SRPX: variants seen among roughly 807,000 people sequenced by gnomAD.
The protein encoded by SRPX is sushi repeat-containing protein SRPX.
SRPX carries 24 observed loss-of-function variants against 38.1 expected under a neutral mutation model. The observed-to-expected ratio is 0.63, with a 90% CI of 0.46 to 0.89. The LOEUF is 0.89. Among genes scored for constraint, SRPX ranks in the 40% least tolerant of loss-of-function variants. The probability of loss-of-function intolerance (pLI) is 0.00; values close to 1 mark genes in which losing one functional copy is unlikely to be tolerated. For synonymous variants in SRPX, 184 were observed against 153.8 expected (o/e 1.20, Z -1.45); for missense variants, 416 against 377.8 (o/e 1.10, Z -0.84).
chrX:38,196,668 C>T (rs1296892216), intron 1 of SRPX, among the ~76,000 whole-genome samples: 1 of 112,085 alleles, frequency 8.9e-6, no homozygotes, highest in Admixed American at 9.4e-5. Flanking sequence ...GACTTGGGTG[C>T]TGTTGTTCAT....
intron 4 of SRPX, among the ~76,000 whole-genome samples, chrX:38,170,684 G>A (rs775422420): frequency 3.6e-5 from 4 of 111,832 alleles, no homozygotes; most frequent in African/African-American, 9.8e-5. Flanking sequence ...GGTTCCAGGC[G>A]CATCTGGTCC....
At position 38,178,486 on chromosome X, in the gene SRPX, T is replaced by A; in HGVS notation, c.98-142A>T. On this transcript the variant is annotated intron_variant, in intron 1 of 9. Coordinates refer to ENST00000378533, the MANE Select transcript of SRPX (RefSeq NM_006307.5). The stretch of plus-strand genomic sequence containing the variant: ...GAGCAAAAGCTTCTGTGGCCATTCA[T>A]GAAGGAACAAACAGGAGATCTCTCA... 2.2e-6 allele frequency: 1 copy of A among 456,764 alleles called. No individual in the cohort carries two copies. The highest frequency in any genetic ancestry group is 3.8e-5 in the East Asian group (1 of 26,105). 37.6% of individuals were successfully genotyped at this position (456,764 alleles called of 1,213,427 possible). A position where few individuals can be genotyped will look rare whatever the true frequency, so the allele number is the denominator to read the frequency against.
At chrX:38,199,951 G>A (rs1259207523) in intron 1 of SRPX, among the ~76,000 whole-genome samples, 1 of 112,386 alleles carries the variant, frequency 8.9e-6, no homozygotes, top group Non-Finnish European at 1.9e-5. Context: ...TTTTGTTGAT[G>A]TTTTGAACAG....
At chrX:38,204,805 G>A (rs925755031) in intron 1 of SRPX, among the ~76,000 whole-genome samples, 1 of 112,245 alleles carries the variant, frequency 8.9e-6, no homozygotes, top group East Asian at 2.8e-4. Context: ...GCTTACAAAT[G>A]AATTCAAAGA....
chrX:38,209,009 T>A (rs1311869287), intron 1 of SRPX, among the ~76,000 whole-genome samples: 1 of 107,346 alleles, frequency 9.3e-6, no homozygotes, highest in Admixed American at 1.0e-4. Flanking sequence ...TATTTTTTTT[T>A]TGCAAAAAAT....
Position 38,171,942 on chromosome X carries a change from C to A in SRPX, c.465G>T (p.Gly155=), listed in dbSNP as rs1938478296. 9.1e-6 allele frequency: 11 copies of A among 1,211,613 alleles called. No individual in the cohort carries two copies. The highest frequency in any genetic ancestry group is 1.2e-5 in the Non-Finnish European group (11 of 895,458). ...TGTCCATACATGTGACGGTCCGCTCCCCTTTCAACGTGTATCCTGGTGAAC... is the reference window on the plus strand; with the variant it reads ...TGTCCATACATGTGACGGTCCGCTCACCTTTCAACGTGTATCCTGGTGAAC... ...YYCSPGYTLK[G]ERTVTCMDNK... is the part of the protein sequence containing the mutation. The change falls in exon 4 of 10, where the codon GGG becomes GGT. Residue 155 remains glycine, a synonymous_variant. Coordinates refer to ENST00000378533, the MANE Select transcript of SRPX (RefSeq NM_006307.5).
intron 1 of SRPX, among the ~76,000 whole-genome samples, chrX:38,181,339 C>G (rs751488341): frequency 1.8e-5 from 2 of 112,435 alleles, no homozygotes; most frequent in South Asian, 7.4e-4. Context: ...CGGAAGAAAG[C>G]CTGGCATTGG....
intron 9 of SRPX, among the ~76,000 whole-genome samples, chrX:38,152,061 T>C (rs1002353745): frequency 1.8e-5 from 2 of 111,708 alleles, no homozygotes; most frequent in African/African-American, 6.5e-5. Context: ...TATTTGAAAA[T>C]AGCCAGACAA....
intron 1 of SRPX, among the ~76,000 whole-genome samples, chrX:38,198,074 T>C (rs1417012475): frequency 8.9e-6 from 1 of 112,387 alleles, no homozygotes; most frequent in African/African-American, 3.2e-5. Flanking sequence ...CCAAATAATG[T>C]CTTGCACACA....
rs1191891876 is a variant in SRPX, at chrX:38,171,993, G to A, written c.414C>T (p.Tyr138=). The A allele has an allele frequency of 1.7e-6, 2 of 1,210,748 alleles. No homozygotes were observed. Among genetic ancestry groups the A allele is most frequent in the Non-Finnish European group, 2.2e-6 (2 of 894,913 alleles). The change falls in exon 4 of 10, where the codon TAC becomes TAT. Residue 138 remains tyrosine, a synonymous_variant. Transcript: ENST00000378533. ...NGGFKCVDGA[Y]FNSRCEYYCS... is the part of the protein sequence containing the mutation. Reference sequence around the variant, plus strand: ...AATAATACTCACACCGGGAGTTAAAGTAGGCACCATCTACACACTTAAACC... The same window carrying A: ...AATAATACTCACACCGGGAGTTAAAATAGGCACCATCTACACACTTAAACC...
chrX:38,161,089 C>T, intron 5 of SRPX, 35 bp from the exon 6 acceptor site: 1 of 1,199,397 alleles, frequency 8.3e-7, no homozygotes, highest in Non-Finnish European at 1.1e-6. Flanking sequence ...GGAAAGATGA[C>T]ATTATGGACC....
intron 7 of SRPX, among the ~76,000 whole-genome samples, chrX:38,159,033 T>C (rs1304763797): frequency 8.9e-6 from 1 of 111,755 alleles, no homozygotes. Flanking sequence ...GTAGAAATGA[T>C]TTTATGTTTT....
chrX:38,170,714 G>T (rs1207045736), intron 4 of SRPX, among the ~76,000 whole-genome samples: 1 of 111,970 alleles, frequency 8.9e-6, no homozygotes, highest in Non-Finnish European at 1.9e-5. Flanking sequence ...CATGCTGTTG[G>T]TTTTTGAGAA....
At chrX:38,174,439 C>A (rs1039673528) in intron 2 of SRPX, 88 bp from the exon 3 acceptor site, 10 of 809,007 alleles carry the variant, frequency 1.2e-5, no homozygotes, top group Non-Finnish European at 1.6e-5. Context: ...CCCAGGCTGG[C>A]TACATTCCAA....
chrX:38,179,003 A>G (rs1030654921), intron 1 of SRPX, among the ~76,000 whole-genome samples: 4 of 102,834 alleles, frequency 3.9e-5, no homozygotes, highest in African/African-American at 1.1e-4. Flanking sequence ...CTGGAGTGCA[A>G]TGGTGTGATT....
At chrX:38,200,642 G>A (rs1234804857) in intron 1 of SRPX, among the ~76,000 whole-genome samples, 2 of 111,502 alleles carry the variant, frequency 1.8e-5, no homozygotes, top group African/African-American at 6.5e-5. Context: ...AGACAGAAAG[G>A]GAAAGAGGAG....
chrX:38,166,402 T>C (rs760785825), intron 4 of SRPX, among the ~76,000 whole-genome samples: 4 of 112,052 alleles, frequency 3.6e-5, no homozygotes, highest in Non-Finnish European at 7.5e-5. Flanking sequence ...ATAACCACCA[T>C]ATTTTGTTGA....
intron 1 of SRPX, among the ~76,000 whole-genome samples, chrX:38,179,908 A>G (rs948022154): frequency 9.0e-6 from 1 of 111,500 alleles, no homozygotes; most frequent in Admixed American, 9.5e-5. Context: ...AGTTCAAAAA[A>G]CAGCCTGGAT....
chrX:38,206,391 T>C (rs1026962611), intron 1 of SRPX, among the ~76,000 whole-genome samples: 1 of 112,339 alleles, frequency 8.9e-6, no homozygotes, highest in Admixed American at 9.4e-5. Flanking sequence ...AGTAAATACA[T>C]AGTTGTCACT....
Sources: allele counts gnomAD v4.1 joint callset (sites outside exome capture counted in the v4.1 genomes callset), GRCh38; gene constraint gnomAD v4.1.1; transcripts MANE v1.5; gene names NCBI Gene and HGNC (gene_info 2026-07-23, HGNC 2026-07-21).